SRL: variants seen among roughly 807,000 people sequenced by gnomAD.
The protein encoded by SRL is sarcalumenin.
SRL carries 23 observed loss-of-function variants against 39.5 expected under a neutral mutation model. The ratio of observed to expected loss-of-function variants is 0.58; its 90% CI spans 0.42 to 0.82. SRL has a LOEUF of 0.82. SRL is among the 40% of genes least tolerant of loss of function. The pLI, the probability that SRL is intolerant of heterozygous loss-of-function variation, is 0.00. For synonymous variants in SRL, 272 were observed against 237.4 expected (o/e 1.15, Z -1.34); for missense variants, 592 against 607.8 (o/e 0.97, Z 0.27).
chr16:4,228,789 C>T (rs761745370), intron 1 of SRL, among the ~76,000 whole-genome samples: 46 of 152,016 alleles, frequency 3.0e-4, no homozygotes, highest in Non-Finnish European at 4.6e-4. Flanking sequence ...CTGAAGACCC[C>T]GGGGCTGGGG....
chr16:4,210,217 G>A (rs756974814), intron 1 of SRL, among the ~76,000 whole-genome samples: 1 of 152,122 alleles, frequency 6.6e-6, no homozygotes, highest in East Asian at 1.9e-4. Context: ...CTACATACCT[G>A]TAAGTCCTGA....
chr16:4,232,679 T>G (rs1167393883), intron 1 of SRL, among the ~76,000 whole-genome samples: 1 of 152,048 alleles, frequency 6.6e-6, no homozygotes, highest in Admixed American at 6.5e-5. Context: ...CCTGGCTAAT[T>G]GTTGTATTTT....
intron 5 of SRL, among the ~76,000 whole-genome samples, chr16:4,193,499 C>A (rs757865003): frequency 2.0e-5 from 3 of 152,160 alleles, no homozygotes; most frequent in Admixed American, 2.0e-4. Context: ...GCATTATTTA[C>A]GGGGAAGGAA....
At chr16:4,204,961 G>T (rs746119243) in intron 1 of SRL, among the ~76,000 whole-genome samples, 3 of 152,194 alleles carry the variant, frequency 2.0e-5, no homozygotes, top group Non-Finnish European at 2.9e-5. Flanking sequence ...ATACAGTGGT[G>T]CCCAAAACAG....
intron 3 of SRL, among the ~76,000 whole-genome samples, chr16:4,200,742 C>G (rs920859401): frequency 6.6e-6 from 1 of 152,226 alleles, no homozygotes; most frequent in African/African-American, 2.4e-5. Context: ...AAAAATAGTA[C>G]AGGTAGCTGT....
rs371085536 is a variant in SRL at position 4,203,279 on chromosome 16, C to A, written c.164-18G>T. ...CAGCACCGCTGGAGACAGAGAGGGC[C>A]GGGGGAAGAGCATCACGCAGGTGCG... On this transcript the variant is annotated intron_variant, in intron 2 of 5. Transcript: ENST00000399609. 6.2e-6 allele frequency: 10 copies of A among 1,609,790 alleles called. 1 individual carries two copies. In the East Asian group the frequency reaches 2.2e-4, roughly 36 times the overall value.
chr16:4,192,764 C>A lies in SRL; in HGVS notation c.811G>T (p.Ala271Ser). 6.2e-7 allele frequency: 1 copy of A among 1,614,130 alleles called. No homozygotes were observed. ...ATQMLMRVYG[A>S]LFWSLAPLIN... ...AGAGGGGCCAAGCTCCAGAAGAGGG[C>A]CCCGTAAACCCGCATGAGCATTTGG... The change falls in exon 6 of 6, where the codon GCC (alanine) becomes TCC (serine). Residue 271 changes from alanine (A) to serine (S), a missense_variant. Coordinates refer to ENST00000399609, the MANE Select transcript of SRL (RefSeq NM_001098814.2). This position sits in a 1 kb window ranked among gnomAD's most constrained non-coding sequence, Gnocchi z 4.0.
At chr16:4,200,953 A>T (rs1350174111) in intron 3 of SRL, among the ~76,000 whole-genome samples, 1 of 152,224 alleles carries the variant, frequency 6.6e-6, no homozygotes, top group Non-Finnish European at 1.5e-5. Flanking sequence ...CATTCAAAAA[A>T]CAATAAGATA....
chr16:4,230,704 T>C (rs924063812), intron 1 of SRL, among the ~76,000 whole-genome samples: 23 of 151,992 alleles, frequency 1.5e-4, no homozygotes, highest in Admixed American at 9.8e-4. Flanking sequence ...TGACCTTCTA[T>C]GGAAACAGGG....
Position 4,203,930 on chromosome 16 carries a change from C to T in SRL, c.163+603G>A, listed in dbSNP as rs570800099. On this transcript the variant is annotated intron_variant, in intron 2 of 5. Coordinates refer to ENST00000399609, the MANE Select transcript of SRL (RefSeq NM_001098814.2). ...TGTCAGTGTACTCCCAGACACTCCC[C>T]GGAGGGGTGGGGTCAGATAACCCAG... 6.6e-5 allele frequency among the ~76,000 whole-genome samples: 10 copies of T among 152,326 alleles called. No homozygotes were observed. In the South Asian group the frequency reaches 8.3e-4, roughly 13 times the overall value.
At chr16:4,225,376 A>T (rs2052576212) in intron 1 of SRL, among the ~76,000 whole-genome samples, 1 of 152,108 alleles carries the variant, frequency 6.6e-6, no homozygotes, top group Non-Finnish European at 1.5e-5. Context: ...TGAGGCCAGG[A>T]GTTCAAGATC....
In SRL at chr16:4,192,732, A is replaced by T. The variant is rs779914206; in HGVS notation, c.843T>A (p.Asn281Lys). The change falls in exon 6 of 6, where the codon AAT (asparagine) becomes AAA (lysine). Residue 281 changes from asparagine (N) to lysine (K), a missense_variant. Asn to Lys is a moderately conservative substitution (Grantham distance 94). Transcript: ENST00000399609. The surrounding 1 kb of genome is among the most constrained non-coding windows in gnomAD (Gnocchi z 4.0). The stretch of plus-strand genomic sequence containing the variant: ...CGTAAACCCTTGGGGGCTCTGTGAC[A>T]TTGATGAGAGGGGCCAAGCTCCAGA... Reference protein sequence around the residue: ...ALFWSLAPLINVTEPPRVYVS... With the variant: ...ALFWSLAPLIKVTEPPRVYVS... 1.2e-6 allele frequency: 2 copies of T among 1,614,034 alleles called. No individual in the cohort carries two copies. The highest frequency in any genetic ancestry group is 2.7e-5 in the African/African-American group (2 of 74,906).
chr16:4,195,275 C>T (rs1370972037), intron 5 of SRL, among the ~76,000 whole-genome samples: 1 of 152,164 alleles, frequency 6.6e-6, no homozygotes, highest in Non-Finnish European at 1.5e-5. Context: ...CGGCTCATTG[C>T]AGCCTCAACT....
chr16:4,205,206 C>T (rs2052303248), intron 1 of SRL, among the ~76,000 whole-genome samples: 1 of 152,086 alleles, frequency 6.6e-6, no homozygotes, highest in African/African-American at 2.4e-5. Context: ...AGTCTCAGCT[C>T]AGGAAGCTGA....
chr16:4,220,446 GAA>G (rs1359095957), intron 1 of SRL, among the ~76,000 whole-genome samples: 1 of 147,862 alleles, frequency 6.8e-6, no homozygotes, highest in Non-Finnish European at 1.5e-5. Flanking sequence ...CACTGTCCTA[GAA>G]AAAAAAAACA....
At chr16:4,229,769 C>A (rs571040972) in intron 1 of SRL, among the ~76,000 whole-genome samples, 5 of 152,130 alleles carry the variant, frequency 3.3e-5, no homozygotes, top group Admixed American at 6.5e-5. Flanking sequence ...ACACGTCCCC[C>A]CTGAATCTAA....
intron 3 of SRL, among the ~76,000 whole-genome samples, chr16:4,198,481 C>G (rs1372728445): frequency 6.6e-6 from 1 of 152,276 alleles, no homozygotes. Context: ...GAATCAGGGT[C>G]TCCGTTGCCC....
intron 3 of SRL, among the ~76,000 whole-genome samples, chr16:4,198,931 C>G (rs2052184885): frequency 6.6e-6 from 1 of 152,198 alleles, no homozygotes; most frequent in Non-Finnish European, 1.5e-5. Flanking sequence ...ATAGAATGCT[C>G]TCGTGCTTTC....
rs113928092 is a variant in SRL at position 4,235,740 on chromosome 16, A to G, written c.61+6267T>C. Among the ~76,000 whole-genome samples the G allele has an allele frequency of 4.0e-3, 608 of 152,268 alleles. 5 individuals are homozygous for G. Among genetic ancestry groups the G allele is most frequent in the African/African-American group, 0.014 (583 of 41,546 alleles). Reference sequence around the variant, plus strand: ...AAATTAAAAAAAGAGAGAGGACTACAGTCATCATCTGAGTAACTCAGGCCA... The same window carrying G: ...AAATTAAAAAAAGAGAGAGGACTACGGTCATCATCTGAGTAACTCAGGCCA... On this transcript the variant is annotated intron_variant, in intron 1 of 5. Transcript: ENST00000399609.
Sources: allele counts gnomAD v4.1 joint callset (sites outside exome capture counted in the v4.1 genomes callset), GRCh38; gene constraint gnomAD v4.1.1; non-coding constraint Gnocchi (gnomAD v3.1); transcripts MANE v1.5; gene names NCBI Gene and HGNC (gene_info 2026-07-23, HGNC 2026-07-21).